The following ILDR2 variants were observed in gnomAD, a reference collection of about 807,000 sequenced individuals.
The protein encoded by ILDR2 is immunoglobulin-like domain-containing receptor 2.
ILDR2 carries 25 observed loss-of-function variants against 66.8 expected under a neutral mutation model. That is an observed-to-expected ratio of 0.37 (90% CI 0.27 to 0.52). ILDR2 has a LOEUF of 0.52. ILDR2 is among the 20% of genes least tolerant of loss of function. The pLI, the probability that ILDR2 is intolerant of heterozygous loss-of-function variation, is 0.88. For missense variants in ILDR2, 827 were observed against 876.8 expected (o/e 0.94, Z 0.72); for synonymous variants, 367 against 357.2 (o/e 1.03, Z -0.31).
Position 166,932,695 on chromosome 1 carries a change from A to G in ILDR2, c.880+2606T>C, listed in dbSNP as rs74119515. 6.8e-3 allele frequency among the ~76,000 whole-genome samples: 1,030 copies of G among 152,306 alleles called. 10 individuals are homozygous for G. The highest frequency in any genetic ancestry group is 0.024 in the African/African-American group (988 of 41,552). On this transcript the variant is annotated intron_variant, in intron 6 of 9. Transcript: ENST00000271417. ...AACTAGAGTGCCTCTTACCTCTTCC[A>G]TTCAGGAACCAACTGGCTATACTAT... is the stretch of plus-strand genomic sequence containing the variant.
At chr1:166,946,292 T>TTA (rs1482863703) in intron 3 of ILDR2, among the ~76,000 whole-genome samples, 1 of 152,196 alleles carries the variant, frequency 6.6e-6, no homozygotes, top group Non-Finnish European at 1.5e-5. Context: ...CCCTTTTCTT[T>TTA]TATATATATT....
intron 4 of ILDR2, among the ~76,000 whole-genome samples, chr1:166,938,794 T>C (rs1661134910): frequency 6.6e-6 from 1 of 152,226 alleles, no homozygotes; most frequent in African/African-American, 2.4e-5. Flanking sequence ...TGAGTTTAGA[T>C]ATGTTCTTCC....
downstream of ILDR2, among the ~76,000 whole-genome samples, chr1:166,904,629 G>A (rs946661570): frequency 6.6e-5 from 10 of 152,188 alleles, no homozygotes; most frequent in Admixed American, 5.2e-4. Flanking sequence ...TCCCCTCTTT[G>A]TGGTCTTGAC....
rs1476905539 is a variant in ILDR2 at position 166,917,996 on chromosome 1, G to A, written c.*1359C>T. The A allele has an allele frequency of 2.0e-5, 3 of 152,126 alleles. No individual in the cohort carries two copies. The highest frequency in any genetic ancestry group is 4.8e-5 in the African/African-American group (2 of 41,420). 9.4% of individuals were successfully genotyped at this position (152,126 alleles called of 1,614,324 possible). On this transcript the variant is annotated 3_prime_UTR_variant, in exon 10 of 10. Transcript: ENST00000271417. ...CTTGTGTCACATTTGTTGGGCTACT[G>A]GCTAAATCAAATCACATAGCCAACT...
intron 1 of ILDR2, among the ~76,000 whole-genome samples, chr1:166,974,751 T>C (rs1663493440): frequency 6.6e-6 from 1 of 152,032 alleles, no homozygotes; most frequent in African/African-American, 2.4e-5. Context: ...CCCCTCCTTC[T>C]CTAGGGAAGA....
intron 3 of ILDR2, among the ~76,000 whole-genome samples, chr1:166,945,080 C>T (rs551387764): frequency 8.5e-5 from 13 of 152,180 alleles, no homozygotes; most frequent in Non-Finnish European, 1.6e-4. Context: ...CTTTATCAAC[C>T]TCAGGTGGAA....
intron 3 of ILDR2, among the ~76,000 whole-genome samples, chr1:166,952,263 C>A (rs1171642668): frequency 2.0e-5 from 3 of 152,182 alleles, no homozygotes; most frequent in Admixed American, 2.0e-4. Context: ...AGACAAATTT[C>A]TAATCTTGGA....
Position 166,922,804 on chromosome 1 carries a change from T to C in ILDR2, c.1000A>G (p.Asn334Asp). ...PARRMRGRYN[N>D]TISELSSLHE... Reference sequence around the variant, plus strand: ...AGGGAGCTGAGTTCTGAGATGGTGTTGTTATCTGCAGGGACAAAATCAGGC... The same window carrying C: ...AGGGAGCTGAGTTCTGAGATGGTGTCGTTATCTGCAGGGACAAAATCAGGC... Residue 334 changes from asparagine to aspartate, a missense_variant, in exon 8 of 10, where the codon AAC becomes GAC. This residue lies in a region of ILDR2 where 437 missense variants were observed against 523.2 expected (regional missense o/e 0.84). Transcript: ENST00000271417. The C allele has an allele frequency of 1.2e-6, 2 of 1,613,972 alleles. No individual in the cohort carries two copies. The highest frequency in any genetic ancestry group is 8.5e-7 in the Non-Finnish European group (1 of 1,179,834).
chr1:166,968,016 T>C (rs1385753641), intron 1 of ILDR2, among the ~76,000 whole-genome samples: 2 of 152,212 alleles, frequency 1.3e-5, no homozygotes, highest in Non-Finnish European at 2.9e-5. Flanking sequence ...TGATTTCTGC[T>C]ACAAGCCTTG....
In ILDR2 at chr1:166,932,716, A is replaced by G. The variant is rs147062888; in HGVS notation, c.880+2585T>C. Among the ~76,000 whole-genome samples, 1,044 of 152,322 alleles carry G rather than the reference A, an allele frequency of 6.9e-3. 8 individuals carry two copies. Among genetic ancestry groups the G allele is most frequent in the African/African-American group, 0.024 (983 of 41,586 alleles). On this transcript the variant is annotated intron_variant, in intron 6 of 9. Transcript: ENST00000271417. Reference sequence around the variant, plus strand: ...TTCCATTCAGGAACCAACTGGCTATACTATACATAGTTCATCAAAGATGCC... The same window carrying G: ...TTCCATTCAGGAACCAACTGGCTATGCTATACATAGTTCATCAAAGATGCC...
chr1:166,953,313 C>G (rs190661755), intron 3 of ILDR2, among the ~76,000 whole-genome samples: 41 of 152,300 alleles, frequency 2.7e-4, no homozygotes, highest in Non-Finnish European at 5.4e-4. Flanking sequence ...TCTTCAGAAT[C>G]TAGTCCAAAC....
chr1:166,949,932 T>A (rs570176585), intron 3 of ILDR2, among the ~76,000 whole-genome samples: 2 of 152,292 alleles, frequency 1.3e-5, no homozygotes, highest in South Asian at 2.1e-4. Context: ...CTGTCTCTCA[T>A]GGAAAACTAT....
chr1:166,956,748 C>A lies in ILDR2; in HGVS notation c.484G>T (p.Glu162Ter). The A allele has an allele frequency of 6.2e-7, 1 of 1,613,938 alleles. No homozygotes were observed. The highest frequency in any genetic ancestry group is 8.5e-7 in the Non-Finnish European group (1 of 1,179,936). Residue 162 changes from glutamate to a stop codon, truncating the protein, a stop_gained, in exon 3 of 10, where the codon GAA becomes TAA. Coordinates refer to ENST00000271417, the MANE Select transcript of ILDR2 (RefSeq NM_199351.3). LOFTEE classifies it high-confidence loss of function. Reference protein sequence around the residue: ...DLEGKNEDSVELLVLGRTGLL... With the variant: ...DLEGKNEDSV ...TTTCACTTACCCAACACCAGCAGTT[C>A]CACTGAGTCCTCATTTTTCCCCTCC...
chr1:166,944,954 C>T (rs1485047082), intron 3 of ILDR2, among the ~76,000 whole-genome samples: 1 of 152,250 alleles, frequency 6.6e-6, no homozygotes, highest in African/African-American at 2.4e-5. Flanking sequence ...AGAAGCCCAG[C>T]GTGAGGAGGC....
chr1:166,929,718 G>A lies in ILDR2; in HGVS notation c.881-2538C>T, dbSNP rs1031980355. ...GTAGACATTTGAAATATGTGTGTTT[G>A]TAATGAATGAAGGAATGAGTGAATG... On this transcript the variant is annotated intron_variant, in intron 6 of 9. Coordinates refer to ENST00000271417, the MANE Select transcript of ILDR2 (RefSeq NM_199351.3). Among the ~76,000 whole-genome samples the A allele has an allele frequency of 2.6e-5, 4 of 152,146 alleles. 1 individual carries two copies. The highest frequency in any genetic ancestry group is 9.7e-5 in the African/African-American group (4 of 41,418).
rs1659687752 is a variant in ILDR2 at position 166,917,465 on chromosome 1, T to A, written c.*1890A>T. On this transcript the variant is annotated 3_prime_UTR_variant, in exon 10 of 10. Coordinates refer to ENST00000271417, the MANE Select transcript of ILDR2 (RefSeq NM_199351.3). ...CAAAAGGATGGTAAAGAAGAGATCT[T>A]CAGAGGTTGTCCACGGATCCATAGA... 1 of 152,232 alleles carries A rather than the reference T, an allele frequency of 6.6e-6. No individual in the cohort carries two copies. The highest frequency in any genetic ancestry group is 2.4e-5 in the African/African-American group (1 of 41,448). The allele number at this position is 152,232 out of a possible 1,614,324, so 9.4% of individuals were successfully genotyped here.
intron 3 of ILDR2, among the ~76,000 whole-genome samples, chr1:166,949,277 G>A (rs1406999770): frequency 6.6e-6 from 1 of 152,202 alleles, no homozygotes; most frequent in Non-Finnish European, 1.5e-5. Context: ...CTCCTGGAAA[G>A]GCAACAATTG....
At chr1:166,953,250 C>T (rs1408116346) in intron 3 of ILDR2, among the ~76,000 whole-genome samples, 1 of 152,086 alleles carries the variant, frequency 6.6e-6, no homozygotes, top group African/African-American at 2.4e-5. Context: ...TTGTTCTGAC[C>T]CTAAGATCTA....
At chr1:166,940,373 A>G (rs1344852671) in intron 3 of ILDR2, among the ~76,000 whole-genome samples, 1 of 152,198 alleles carries the variant, frequency 6.6e-6, no homozygotes, top group African/African-American at 2.4e-5. Context: ...GAAAGACATG[A>G]TGAATGCTTT....
Sources: allele counts gnomAD v4.1 joint callset (sites outside exome capture counted in the v4.1 genomes callset), GRCh38; gene constraint gnomAD v4.1.1; regional missense constraint gnomAD v4.1.1; transcripts MANE v1.5; gene names NCBI Gene and HGNC (gene_info 2026-07-23, HGNC 2026-07-21).